Variants in PACC1 observed in about 807,000 individuals in gnomAD.
PACC1 encodes proton activated chloride channel 1, also known as proton-activated chloride channel.
Under a neutral mutation model 39.7 loss-of-function variants are expected in PACC1, and 34 were observed. The ratio of observed to expected loss-of-function variants is 0.86; its 90% confidence interval spans 0.65 to 1.14. The LOEUF is 1.14. Among genes scored for constraint, PACC1 ranks in the 50% most tolerant of loss-of-function variants. The pLI is 0.00. For synonymous variants in PACC1, 127 were observed against 160.6 expected (o/e 0.79, Z 1.58); for missense variants, 379 against 436.4 (o/e 0.87, Z 1.17).
intron 2 of PACC1, among the ~76,000 whole-genome samples, chr1:212,390,805 G>T (rs192711531): frequency 9.6e-4 from 146 of 152,350 alleles, no homozygotes; most frequent in African/African-American, 3.4e-3. Flanking sequence ...TCCCGCGCCT[G>T]GCTCAGAGGG....
rs10529310 is a variant in PACC1, at chr1:212,381,770, GACAC to G, written c.496-1737_496-1734del. On this transcript the variant is annotated intron_variant, in intron 4 of 7. Transcript: ENST00000261455. The stretch of plus-strand genomic sequence containing the variant: ...AACAATGCCCAGGGGACAGCACAGT[GACAC>G]ACACACACACACACACACACACTGC... 5.8e-4 allele frequency among the ~76,000 whole-genome samples: 68 copies of G among 118,134 alleles called. No individual in the cohort carries two copies. The East Asian group carries it at 9.9e-3, about 17-fold the overall frequency. 77.5% of individuals were successfully genotyped at this position (118,134 alleles called of 152,430 possible). A position where few individuals can be genotyped will look rare whatever the true frequency, so the allele number is the denominator to read the frequency against.
In PACC1 at chr1:212,414,759, G is replaced by T; in HGVS notation, c.-2C>A. 1 of 1,613,456 alleles carries T rather than the reference G, an allele frequency of 6.2e-7. No homozygotes were observed. The highest frequency in any genetic ancestry group is 1.1e-5 in the South Asian group (1 of 91,078). ...TGTGGAGCGCTCCTGCCGGATCATG[G>T]CACTGACCAGAGCTTCGGCACACCT... On this transcript the variant is annotated 5_prime_UTR_variant, in exon 1 of 8. Coordinates refer to ENST00000261455, the MANE Select transcript of PACC1 (RefSeq NM_018252.3).
intron 2 of PACC1, among the ~76,000 whole-genome samples, chr1:212,389,350 G>C (rs1661220257): frequency 6.6e-6 from 1 of 152,172 alleles, no homozygotes; most frequent in South Asian, 2.1e-4. Flanking sequence ...GTAACAACTG[G>C]AAATTGAAAG....
Position 212,365,123 on chromosome 1 carries a change from G to T in PACC1, c.*92C>A. The T allele has an allele frequency of 1.5e-6, 2 of 1,316,752 alleles. No individual in the cohort carries two copies. Among genetic ancestry groups the T allele is most frequent in the Non-Finnish European group, 2.1e-6 (2 of 969,560 alleles). The allele number at this position is 1,316,752 out of a possible 1,614,324, so 81.6% of individuals were successfully genotyped here. The stretch of plus-strand genomic sequence containing the variant: ...CCAGCAAGGCCCCATTTCTTCAAGT[G>T]AGTACAGGATTGTTGATAGCTCCGT... On this transcript the variant is annotated 3_prime_UTR_variant, in exon 8 of 8. Coordinates refer to ENST00000261455, the MANE Select transcript of PACC1 (RefSeq NM_018252.3).
In PACC1 at chr1:212,377,513, G is replaced by A. The variant is rs6664170; in HGVS notation, c.783+49C>T. The A allele has an allele frequency of 0.016, 25,537 of 1,609,456 alleles. 2,940 individuals carry two copies. The African/African-American group carries it at 0.27, about 17-fold the overall frequency. ...CAAAGCTTCCCTCCACCTCAGACTC[G>A]AATGTGGAAAAGTCACCAGCAGTTT... On this transcript the variant is annotated intron_variant, in intron 6 of 7. Coordinates refer to ENST00000261455, the MANE Select transcript of PACC1 (RefSeq NM_018252.3).
intron 2 of PACC1, among the ~76,000 whole-genome samples, chr1:212,396,276 T>C (rs1661513192): frequency 6.6e-6 from 1 of 152,242 alleles, no homozygotes. Flanking sequence ...GATGAGTTCA[T>C]GTCCTTTGTA....
intron 7 of PACC1, among the ~76,000 whole-genome samples, chr1:212,367,609 C>A (rs994426511): frequency 1.3e-5 from 2 of 152,150 alleles, no homozygotes; most frequent in Non-Finnish European, 2.9e-5. Context: ...AGCTCTGATA[C>A]TGCACTGGTC....
chr1:212,382,294 C>T (rs920447222), intron 4 of PACC1, among the ~76,000 whole-genome samples: 5 of 63,964 alleles, frequency 7.8e-5, no homozygotes, highest in East Asian at 5.8e-4. Context: ...CCACCTGCCT[C>T]GGCCTCCCAA....
At chr1:212,408,320 C>T (rs1661997926) in intron 2 of PACC1, among the ~76,000 whole-genome samples, 1 of 151,914 alleles carries the variant, frequency 6.6e-6, no homozygotes, top group Admixed American at 6.6e-5. Context: ...TGTTAGCTGC[C>T]CTTCCAGCCT....
rs770445428 is a variant in PACC1 at position 212,404,837 on chromosome 1, C to T, written c.133+5588G>A. Among the ~76,000 whole-genome samples, 7 of 151,996 alleles carry T rather than the reference C, an allele frequency of 4.6e-5. No individual in the cohort carries two copies. In the East Asian group the frequency reaches 1.2e-3, roughly 25 times the overall value. On this transcript the variant is annotated intron_variant, in intron 2 of 7. Transcript: ENST00000261455. The stretch of plus-strand genomic sequence containing the variant: ...AGTCTGGAGTGCAGTGGCACAATCT[C>T]GGCTCATTGCAACCTCCGCCTCCCG...
intron 1 of PACC1, among the ~76,000 whole-genome samples, chr1:212,413,251 A>G (rs894552241): frequency 6.6e-6 from 1 of 152,212 alleles, no homozygotes; most frequent in Non-Finnish European, 1.5e-5. Context: ...ATTCCAGCCA[A>G]GATCCTACAC....
chr1:212,384,823 C>G (rs1029647191), intron 4 of PACC1, among the ~76,000 whole-genome samples: 1 of 152,232 alleles, frequency 6.6e-6, no homozygotes, highest in African/African-American at 2.4e-5. Context: ...CGCTCCTTTA[C>G]GCTGGCGTAT....
chr1:212,379,233 A>T (rs552836388), intron 5 of PACC1, among the ~76,000 whole-genome samples: 1 of 152,136 alleles, frequency 6.6e-6, no homozygotes, highest in Admixed American at 6.5e-5. Flanking sequence ...GTGAGCCACC[A>T]CACCTGGCCA....
chr1:212,410,608 G>T, intron 1 of PACC1, 87 bp from the exon 2 acceptor site: 2 of 1,226,476 alleles, frequency 1.6e-6, no homozygotes, highest in Non-Finnish European at 2.4e-6. Context: ...GAAGCTGCTT[G>T]TCACTTAATT....
At chr1:212,413,425 G>A (rs1173191283) in intron 1 of PACC1, among the ~76,000 whole-genome samples, 1 of 111,218 alleles carries the variant, frequency 9.0e-6, no homozygotes, top group Non-Finnish European at 1.7e-5. Context: ...TAAGACAGAA[G>A]GCAGCAAGTT....
intron 7 of PACC1, among the ~76,000 whole-genome samples, chr1:212,373,744 T>A (rs2102473598): frequency 6.6e-6 from 1 of 152,228 alleles, no homozygotes; most frequent in South Asian, 2.1e-4. Context: ...AAAAGGCATA[T>A]GAAAATATGC....
At chr1:212,370,775 T>C (rs1367880460) in intron 7 of PACC1, among the ~76,000 whole-genome samples, 1 of 152,084 alleles carries the variant, frequency 6.6e-6, no homozygotes, top group African/African-American at 2.4e-5. Context: ...CCAAAGCCTA[T>C]GAGATACAGC....
At chr1:212,414,552 C>T (rs1157485480) in intron 1 of PACC1, among the ~76,000 whole-genome samples, 170 bp downstream of exon 1, 3 of 152,314 alleles carry the variant, frequency 2.0e-5, no homozygotes, top group South Asian at 2.1e-4. Flanking sequence ...TCCTTCCTGC[C>T]CCTGGGCCGC....
At chr1:212,372,624 C>A (rs1042189721) in intron 7 of PACC1, among the ~76,000 whole-genome samples, 2 of 152,098 alleles carry the variant, frequency 1.3e-5, no homozygotes, top group Non-Finnish European at 2.9e-5. Context: ...AACTGGTAGA[C>A]CTGATAAATT....
Sources: gnomAD v4.1 joint callset for allele counts (sites outside exome capture counted in the v4.1 genomes callset) on GRCh38, gnomAD v4.1.1 for gene constraint, MANE v1.5 for transcripts, NCBI Gene and HGNC (gene_info 2026-07-23, HGNC 2026-07-21) for gene names.